PDZD2: variants seen among roughly 807,000 people sequenced by gnomAD.
PDZD2 encodes PDZ domain containing 2.
Under a neutral mutation model 220.7 loss-of-function variants are expected in PDZD2, and 90 were observed. The ratio of observed to expected loss-of-function variants is 0.41; its 90% CI spans 0.34 to 0.49. The LOEUF (loss-of-function observed/expected upper bound fraction) is 0.49. Among genes scored for constraint, PDZD2 ranks in the 20% least tolerant of loss-of-function variants. PDZD2 has a pLI of 0.28. For synonymous variants in PDZD2, 1,375 were observed against 1,450.5 expected, an observed-to-expected ratio of 0.95 and a Z score of 1.18; for missense variants, 3,174 against 3,608.5, an observed-to-expected ratio of 0.88 and a Z score of 3.08.
chr5:31,840,487 AGCTATTTT>A (rs2150283345), intron 2 of PDZD2: 1 of 318,762 alleles, frequency 3.1e-6, no homozygotes, highest in Non-Finnish European at 5.8e-6. Context: ...TTTTAACAGT[AGCTATTTT>A]GCCATGAATT....
chr5:31,656,954 G>A (rs757853785), intron 1 of PDZD2, among the ~76,000 whole-genome samples: 2 of 152,126 alleles, frequency 1.3e-5, no homozygotes, highest in East Asian at 1.9e-4. Flanking sequence ...CAGGTAACCC[G>A]ATACACTGGA....
intron 2 of PDZD2, 56 bp downstream of exon 2, chr5:31,799,780 C>A: frequency 1.7e-6 from 2 of 1,143,348 alleles, no homozygotes; most frequent in South Asian, 1.3e-5. Flanking sequence ...CCTGGTGGTT[C>A]CCAGATCTGC....
At chr5:31,817,371 G>A (rs1221687717) in intron 2 of PDZD2, among the ~76,000 whole-genome samples, 1 of 151,532 alleles carries the variant, frequency 6.6e-6, no homozygotes, top group Non-Finnish European at 1.5e-5. Flanking sequence ...GTGGATCCCT[G>A]TAATCCCAGC....
Position 31,969,085 on chromosome 5 carries a change from T to C in PDZD2, c.477-14070T>C, listed in dbSNP as rs375162972. 3.9e-5 allele frequency among the ~76,000 whole-genome samples: 6 copies of C among 151,948 alleles called. No individual in the cohort carries two copies. In the East Asian group the frequency reaches 9.6e-4, roughly 24 times the overall value. On this transcript the variant is annotated intron_variant, in intron 2 of 24. Transcript: ENST00000438447. ...TCATGGCCTAAACTAAATGGAATGG[T>C]AGATACTCACTGGACTGATGTGAGG...
chr5:31,653,954 T>G (rs1233833939), intron 1 of PDZD2, among the ~76,000 whole-genome samples: 1 of 152,086 alleles, frequency 6.6e-6, no homozygotes, highest in Non-Finnish European at 1.5e-5. Flanking sequence ...TCAGCTAATT[T>G]TTTATATTTT....
At chr5:31,737,346 G>C (rs1219240632) in intron 1 of PDZD2, among the ~76,000 whole-genome samples, 1 of 148,882 alleles carries the variant, frequency 6.7e-6, no homozygotes, top group African/African-American at 2.4e-5. Flanking sequence ...CTAATTTGTT[G>C]TATTTTTAGT....
intron 1 of PDZD2, among the ~76,000 whole-genome samples, chr5:31,712,471 T>TCTCTCTCTCCCCCTCTCTCC (rs1748179770): frequency 7.5e-6 from 1 of 132,558 alleles, no homozygotes; most frequent in Non-Finnish European, 1.7e-5. Flanking sequence ...TCTCTCTCTC[T>TCTCTCTCTCCCCCTCTCTCC]CTCTCTCTCT....
rs547177081 is a variant in PDZD2 at position 31,698,577 on chromosome 5, C to A, written c.-361+59140C>A. Among the ~76,000 whole-genome samples, 311 of 145,258 alleles carry A rather than the reference C, an allele frequency of 2.1e-3. 1 individual carries two copies. Among genetic ancestry groups the A allele is most frequent in the African/African-American group, 7.8e-3 (303 of 38,860 alleles). On this transcript the variant is annotated intron_variant, in intron 1 of 24. Coordinates refer to ENST00000438447, the MANE Select transcript of PDZD2 (RefSeq NM_178140.4). ...TTGTGCCACTGCACTCCAGCCTGGG[C>A]GACAGAGCGAGACTCTGTCTCAAAA...
intron 2 of PDZD2, among the ~76,000 whole-genome samples, chr5:31,823,442 T>C (rs1252730745): frequency 1.3e-5 from 2 of 152,140 alleles, no homozygotes; most frequent in East Asian, 3.9e-4. Context: ...CACTCCATCC[T>C]GGGAGACAGA....
intron 2 of PDZD2, among the ~76,000 whole-genome samples, chr5:31,915,589 A>G (rs1743611841): frequency 6.6e-6 from 1 of 152,074 alleles, no homozygotes; most frequent in Non-Finnish European, 1.5e-5. Context: ...CAAGCTTACC[A>G]TTTGCTCTAT....
chr5:31,776,626 T>TTTTTTTTA (rs1554073487), intron 1 of PDZD2, among the ~76,000 whole-genome samples: 36 of 141,068 alleles, frequency 2.6e-4, no homozygotes, highest in African/African-American at 6.2e-4. Flanking sequence ...TTATTTTTTA[T>TTTTTTTTA]TTTATTTATT....
intron 2 of PDZD2, among the ~76,000 whole-genome samples, chr5:31,946,004 T>C (rs748399938): frequency 7.9e-5 from 12 of 152,192 alleles, no homozygotes; most frequent in Admixed American, 3.3e-4. Context: ...TTTTCATTTG[T>C]TTTTGTTTCT....
At chr5:31,671,764 G>A (rs1746225503) in intron 1 of PDZD2, among the ~76,000 whole-genome samples, 1 of 152,210 alleles carries the variant, frequency 6.6e-6, no homozygotes, top group Non-Finnish European at 1.5e-5. Context: ...CAGATCACAT[G>A]GAGAGCTCGT....
chr5:31,875,933 C>T (rs1229963590), intron 2 of PDZD2, among the ~76,000 whole-genome samples: 1 of 151,988 alleles, frequency 6.6e-6, no homozygotes, highest in Non-Finnish European at 1.5e-5. Flanking sequence ...TCCTTTTTCA[C>T]AGTTGTCTTA....
intron 1 of PDZD2, among the ~76,000 whole-genome samples, chr5:31,678,218 C>G (rs1352939646): frequency 6.6e-6 from 1 of 152,164 alleles, no homozygotes; most frequent in Non-Finnish European, 1.5e-5. Flanking sequence ...CTGGAGGAAG[C>G]TCCTGGCCAG....
rs1753411062 is a variant in PDZD2 at position 32,012,534 on chromosome 5, C to A, written c.1407+2052C>A. ...GAGTAGCTGGGACTACAGACGCACGCCACCGCGCTTGGCTAATTTTTTGTA... is the reference window on the plus strand; with the variant it reads ...GAGTAGCTGGGACTACAGACGCACGACACCGCGCTTGGCTAATTTTTTGTA... On this transcript the variant is annotated intron_variant, in intron 6 of 24. Coordinates refer to ENST00000438447, the MANE Select transcript of PDZD2 (RefSeq NM_178140.4). Among the ~76,000 whole-genome samples, 3 of 152,150 alleles carry A rather than the reference C, an allele frequency of 2.0e-5. No individual in the cohort carries two copies. In the South Asian group the frequency reaches 6.2e-4, roughly 32 times the overall value.
intron 2 of PDZD2, among the ~76,000 whole-genome samples, chr5:31,899,581 A>ATG (rs1741899517): frequency 6.6e-6 from 1 of 152,134 alleles, no homozygotes; most frequent in Non-Finnish European, 1.5e-5. Context: ...CAGCTCTACC[A>ATG]TGTGTGTTAG....
intron 1 of PDZD2, among the ~76,000 whole-genome samples, chr5:31,687,069 G>A (rs913435932): frequency 1.3e-5 from 2 of 149,132 alleles, no homozygotes; most frequent in African/African-American, 4.9e-5. Flanking sequence ...GACATAAAAA[G>A]AGGCAAAATG....
intron 1 of PDZD2, among the ~76,000 whole-genome samples, chr5:31,723,861 G>T (rs1358129429): frequency 6.6e-6 from 1 of 151,926 alleles, no homozygotes; most frequent in African/African-American, 2.4e-5. Context: ...CAGGCGATCC[G>T]CCCACCTCGA....
Sources: allele counts gnomAD v4.1 joint callset (sites outside exome capture counted in the v4.1 genomes callset), GRCh38; gene constraint gnomAD v4.1.1; transcripts MANE v1.5; gene names NCBI Gene and HGNC (gene_info 2026-07-23, HGNC 2026-07-21).